Variants in HMCN1 observed in about 807,000 individuals in gnomAD.
HMCN1 encodes the protein hemicentin-1.
In HMCN1, 321 loss-of-function variants were observed where a neutral mutation model predicts 625.9. The observed-to-expected ratio is 0.51, with a 90% confidence interval of 0.47 to 0.56. The LOEUF (loss-of-function observed/expected upper bound fraction) is 0.56. Among genes scored for constraint, HMCN1 ranks in the 20% least tolerant of loss-of-function variants. HMCN1 has a pLI of 0.00. For missense variants in HMCN1, 6,588 were observed against 6,887.3 expected (o/e 0.96, Z 1.54); for synonymous variants, 2,425 against 2,417.6 (o/e 1.00, Z -0.09).
intron 15 of HMCN1, among the ~76,000 whole-genome samples, chr1:185,976,099 G>A (rs1175310193): frequency 3.9e-5 from 6 of 152,184 alleles, no homozygotes; most frequent in African/African-American, 1.2e-4. Context: ...TGAATGTGGT[G>A]ATTGCTATGA....
chr1:186,077,488 A>G (rs1207836227), intron 54 of HMCN1, among the ~76,000 whole-genome samples: 1 of 152,142 alleles, frequency 6.6e-6, no homozygotes, highest in Non-Finnish European at 1.5e-5. Flanking sequence ...GTGAAAGGGC[A>G]CCATGTCTCC....
At chr1:186,067,769 T>C in intron 49 of HMCN1, 65 bp from the exon 50 acceptor site, 2 of 1,131,166 alleles carry the variant, frequency 1.8e-6, no homozygotes, top group South Asian at 2.5e-5. Context: ...ATAATGGAAA[T>C]TTAGAAATGC....
Position 185,977,368 on chromosome 1 carries a change from T to A in HMCN1, c.2372-419T>A, listed in dbSNP as rs567396307. 7.7e-4 allele frequency among the ~76,000 whole-genome samples: 117 copies of A among 152,296 alleles called. 1 individual carries two copies. The highest frequency in any genetic ancestry group is 5.8e-4 in the East Asian group (3 of 5,190). ...TAATGAACTCTGGTATAAATTAATTTAAAAATTCAACCAAAGGAGTAAGTT... is the reference window on the plus strand; with the variant it reads ...TAATGAACTCTGGTATAAATTAATTAAAAAATTCAACCAAAGGAGTAAGTT... On this transcript the variant is annotated intron_variant, in intron 15 of 106. Transcript: ENST00000271588.
At chr1:185,796,094 G>C (rs1249119303) in intron 1 of HMCN1, among the ~76,000 whole-genome samples, 1 of 152,204 alleles carries the variant, frequency 6.6e-6, no homozygotes, top group African/African-American at 2.4e-5. Flanking sequence ...TGGCACCAGT[G>C]ACTGGGTTTG....
chr1:186,020,185 T>A (rs1242586397), intron 35 of HMCN1, among the ~76,000 whole-genome samples: 1 of 151,988 alleles, frequency 6.6e-6, no homozygotes, highest in Non-Finnish European at 1.5e-5. Context: ...GTGAGTATAG[T>A]CCCTGGCATA....
intron 1 of HMCN1, among the ~76,000 whole-genome samples, chr1:185,763,151 G>C (rs116679959): frequency 6.6e-6 from 1 of 152,076 alleles, no homozygotes; most frequent in Non-Finnish European, 1.5e-5. Flanking sequence ...TATTTTCTGC[G>C]GCAAAATGTG....
chr1:185,940,201 A>T (rs971102560), intron 11 of HMCN1, among the ~76,000 whole-genome samples: 2 of 152,218 alleles, frequency 1.3e-5, no homozygotes, highest in African/African-American at 2.4e-5. Context: ...TTTTAAAATG[A>T]CTTAAAGCTT....
chr1:186,059,777 T>G (rs930746745), intron 46 of HMCN1, among the ~76,000 whole-genome samples: 8 of 152,074 alleles, frequency 5.3e-5, no homozygotes, highest in Non-Finnish European at 1.0e-4. Context: ...GTTATAAAAA[T>G]TTAATAGGTA....
intron 9 of HMCN1, among the ~76,000 whole-genome samples, chr1:185,926,696 A>G (rs986615027): frequency 6.6e-6 from 1 of 152,182 alleles, no homozygotes; most frequent in Non-Finnish European, 1.5e-5. Flanking sequence ...GGCATGAGTG[A>G]TGATAGACTG....
At chr1:185,983,174 ATTT>A (rs986699761) in intron 18 of HMCN1, among the ~76,000 whole-genome samples, 1 of 151,910 alleles carries the variant, frequency 6.6e-6, no homozygotes, top group Non-Finnish European at 1.5e-5. Flanking sequence ...TCGGTGTAAA[ATTT>A]TTTTTATGAA....
At chr1:186,147,740 A>G (rs1296694181) in intron 93 of HMCN1, among the ~76,000 whole-genome samples, 2 of 152,194 alleles carry the variant, frequency 1.3e-5, no homozygotes, top group Non-Finnish European at 2.9e-5. Flanking sequence ...CAACAGCATC[A>G]TGTCTAAAAA....
chr1:185,800,165 G>A (rs966638559), intron 1 of HMCN1, among the ~76,000 whole-genome samples: 7 of 152,178 alleles, frequency 4.6e-5, no homozygotes, highest in East Asian at 1.9e-4. Context: ...GCACTTGATC[G>A]TGGTGTCTCT....
intron 87 of HMCN1, 135 bp downstream of exon 87, chr1:186,137,072 T>C (rs980600540): frequency 2.7e-6 from 3 of 1,097,496 alleles, no homozygotes; most frequent in Non-Finnish European, 4.1e-6. Context: ...GACAAAATCA[T>C]CAAAATTTAC....
chr1:185,810,229 G>C (rs540302104), intron 1 of HMCN1, among the ~76,000 whole-genome samples: 4 of 152,210 alleles, frequency 2.6e-5, no homozygotes, highest in South Asian at 4.1e-4. Flanking sequence ...CCATTGATCA[G>C]TGAGTTCGTA....
rs111236702 is a variant in HMCN1 at position 186,065,295 on chromosome 1, A to T, written c.7571A>T (p.Glu2524Val). ...HKDGQPLQED[E>V]AHHIISGGRF... ...GATGGGCAGCCCCTCCAAGAAGATG[A>T]AGCCCATCACATTATATCTGGTGGC... The change falls in exon 49 of 107, where the codon GAA becomes GTA. Residue 2524 changes from glutamate to valine, a missense_variant. By Grantham distance (121) the Glu-to-Val change is moderately radical. This residue lies in a region of HMCN1 where 4,628 missense variants were observed against 4,853.1 expected (regional missense o/e 0.95). Coordinates refer to ENST00000271588, the MANE Select transcript of HMCN1 (RefSeq NM_031935.3). 3 of 1,612,612 alleles carry T rather than the reference A, an allele frequency of 1.9e-6. No individual in the cohort carries two copies. In the African/African-American group the frequency reaches 4.0e-5, roughly 22 times the overall value.
intron 40 of HMCN1, among the ~76,000 whole-genome samples, chr1:186,041,445 G>C (rs1287609177): frequency 6.6e-6 from 1 of 152,074 alleles, no homozygotes; most frequent in Non-Finnish European, 1.5e-5. Flanking sequence ...CATCACTGAA[G>C]CAAGTATCTG....
At chr1:186,090,949 T>G (rs374202376) in intron 64 of HMCN1, 32 bp downstream of exon 64, 2 of 1,594,908 alleles carry the variant, frequency 1.3e-6, no homozygotes, top group African/African-American at 2.7e-5. Flanking sequence ...CCATTATAAA[T>G]TGTAAGCCCT....
chr1:186,152,670 T>A (rs544506864), intron 95 of HMCN1, 80 bp from the exon 96 acceptor site: 1 of 1,556,750 alleles, frequency 6.4e-7, no homozygotes, highest in Non-Finnish European at 8.9e-7. Flanking sequence ...ATAGCTGAAC[T>A]GGTATGTAAG....
intron 97 of HMCN1, among the ~76,000 whole-genome samples, chr1:186,162,730 T>C (rs1651589025): frequency 6.6e-6 from 1 of 152,194 alleles, no homozygotes; most frequent in Non-Finnish European, 1.5e-5. Context: ...GAACAGGGGT[T>C]TTTCGTGAAC....
Sources: gnomAD v4.1 joint callset for allele counts (sites outside exome capture counted in the v4.1 genomes callset) on GRCh38, gnomAD v4.1.1 for gene constraint, gnomAD v4.1.1 regional missense constraint, MANE v1.5 for transcripts, NCBI Gene and HGNC (gene_info 2026-07-23, HGNC 2026-07-21) for gene names.